Variants in RHOBTB2 observed in about 807,000 individuals in gnomAD.
RHOBTB2 encodes rho-related BTB domain-containing protein 2.
In RHOBTB2, 39 loss-of-function variants were observed where a neutral mutation model predicts 66.5. That is an observed-to-expected ratio of 0.59 (90% CI 0.45 to 0.77). RHOBTB2 has a LOEUF of 0.77. RHOBTB2 is among the 30% of genes least tolerant of loss of function. The pLI is 0.00. For synonymous variants in RHOBTB2, 390 were observed against 395.0 expected (o/e 0.99, Z 0.15); for missense variants, 755 against 999.1 (o/e 0.76, Z 3.29).
rs2241260 is a variant in RHOBTB2 at position 23,018,472 on chromosome 8, A to G, written c.*1003A>G. ...GCCTAGCTCACATTTCTATAAACAGAGGCCCCCATGATGAGGAGGTGAAGA... is the reference window on the plus strand; with the variant it reads ...GCCTAGCTCACATTTCTATAAACAGGGGCCCCCATGATGAGGAGGTGAAGA... On this transcript the variant is annotated 3_prime_UTR_variant, in exon 10 of 10. Transcript: ENST00000251822. The G allele has an allele frequency of 0.29, 43,578 of 152,432 alleles. 6,772 individuals carry two copies. The highest frequency in any genetic ancestry group is 0.42 in the East Asian group (2,186 of 5,164). The allele number at this position is 152,432 out of a possible 1,614,324, so 9.4% of individuals were successfully genotyped here.
upstream of RHOBTB2, among the ~76,000 whole-genome samples, chr8:22,996,085 T>TC: frequency 6.6e-6 from 1 of 152,278 alleles, no homozygotes; most frequent in East Asian, 1.9e-4. Context: ...GGTTTCTCTT[T>TC]CCCCAGAAAA....
At chr8:22,981,904 T>G in the RHOBTB2 span, among the ~76,000 whole-genome samples, 1 of 69,694 alleles carries the variant, frequency 1.4e-5, no homozygotes, top group Admixed American at 1.0e-4. Flanking sequence ...GGCGGTTCCA[T>G]ATCCGCCACT....
Position 23,004,882 on chromosome 8 carries a change from G to T in RHOBTB2, c.192+256G>T, listed in dbSNP as rs117047322. ...GGACTCCATCTTTGTCTGGGGTACC[G>T]CATTGTATGTAGTCACAGCCTTAAG... On this transcript the variant is annotated intron_variant, in intron 2 of 9. Coordinates refer to ENST00000251822, the MANE Select transcript of RHOBTB2 (RefSeq NM_015178.3). The surrounding 1 kb of genome is among the most constrained non-coding windows in gnomAD (Gnocchi z 6.4). The T allele has an allele frequency of 3.6e-6, 2 of 553,884 alleles. No individual in the cohort carries two copies. The highest frequency in any genetic ancestry group is 6.3e-5 in the East Asian group (2 of 31,960). 34.3% of individuals were successfully genotyped at this position (553,884 alleles called of 1,614,324 possible).
chr8:22,957,985 T>G, the RHOBTB2 span, among the ~76,000 whole-genome samples: 1 of 152,232 alleles, frequency 6.6e-6, no homozygotes, highest in South Asian at 2.1e-4. Flanking sequence ...GTGAAGTATT[T>G]CTTCATTATC....
At chr8:22,996,565 GTGTCTGTGTGTC>G (rs1810572996), upstream of RHOBTB2, among the ~76,000 whole-genome samples, 2 of 109,532 alleles carry the variant, frequency 1.8e-5, no homozygotes, top group African/African-American at 4.0e-5. Context: ...GTGTGTGTGT[GTGTCTGTGTGTC>G]TGTGTATGTA....
the RHOBTB2 span, among the ~76,000 whole-genome samples, chr8:22,954,210 G>A: frequency 4.6e-5 from 7 of 152,202 alleles, no homozygotes; most frequent in Non-Finnish European, 1.0e-4. Context: ...CACATTGATA[G>A]ATCAGAGATA....
At chr8:22,952,850 A>G in the RHOBTB2 span, among the ~76,000 whole-genome samples, 1 of 152,134 alleles carries the variant, frequency 6.6e-6, no homozygotes, top group Non-Finnish European at 1.5e-5. Context: ...GATTGCAGTG[A>G]GCCGAGATTG....
intron 9 of RHOBTB2, among the ~76,000 whole-genome samples, chr8:23,016,770 C>T (rs1811302569): frequency 6.6e-6 from 1 of 152,114 alleles, no homozygotes; most frequent in Non-Finnish European, 1.5e-5. Flanking sequence ...CCAGACCTTC[C>T]ACTGAAACAG....
Position 23,007,420 on chromosome 8 carries a change from C to G in RHOBTB2, c.1175C>G (p.Ala392Gly). 1.2e-6 allele frequency: 2 copies of G among 1,614,128 alleles called. No homozygotes were observed. Among genetic ancestry groups the G allele is most frequent in the South Asian group, 1.1e-5 (1 of 91,082 alleles). ...CGTGTGCTGTCTTCCTGGAGCCGAGCTTTTGTGAGCATCCAGGAAGAGATG... is the reference window on the plus strand; with the variant it reads ...CGTGTGCTGTCTTCCTGGAGCCGAGGTTTTGTGAGCATCCAGGAAGAGATG... ...RGRVLSSWSR[A>G]FVSIQEEMAE... Residue 392 changes from alanine to glycine, a missense_variant, in exon 5 of 10, where the codon GCT (alanine) becomes GGT (glycine). Transcript: ENST00000251822.
intron 1 of RHOBTB2, among the ~76,000 whole-genome samples, chr8:22,988,487 C>G (rs562889425): frequency 6.6e-6 from 1 of 152,102 alleles, no homozygotes; most frequent in Admixed American, 6.5e-5. Flanking sequence ...TTACTACTCA[C>G]TCCCACGTCC....
At chr8:22,969,329 C>G in the RHOBTB2 span, among the ~76,000 whole-genome samples, 11 of 152,034 alleles carry the variant, frequency 7.2e-5, no homozygotes, top group Admixed American at 5.9e-4. Flanking sequence ...AGCTATAATT[C>G]AAGATGAGAT....
the RHOBTB2 span, among the ~76,000 whole-genome samples, chr8:22,977,469 G>A: frequency 1.3e-5 from 2 of 152,092 alleles, no homozygotes; most frequent in East Asian, 3.9e-4. Flanking sequence ...CTACTCAGGA[G>A]GCTGAGATGG....
chr8:23,009,919 C>T (rs987677477), intron 6 of RHOBTB2, among the ~76,000 whole-genome samples: 7 of 152,214 alleles, frequency 4.6e-5, no homozygotes, highest in Non-Finnish European at 8.8e-5. Context: ...GATGAGAAGG[C>T]AGTTTGTGTT....
At chr8:22,985,416 C>T (rs1810270121), upstream of RHOBTB2, among the ~76,000 whole-genome samples, 1 of 152,164 alleles carries the variant, frequency 6.6e-6, no homozygotes. Flanking sequence ...TGGGAGTGTG[C>T]TTAACTAGGA....
At chr8:22,954,176 T>C in the RHOBTB2 span, among the ~76,000 whole-genome samples, 1 of 152,214 alleles carries the variant, frequency 6.6e-6, no homozygotes, top group Admixed American at 6.5e-5. Flanking sequence ...GGTAAGATCT[T>C]ACAAGGGCAA....
chr8:22,994,498 C>T (rs1810495639), intron 2 of RHOBTB2: 5 of 980,030 alleles, frequency 5.1e-6, no homozygotes, highest in African/African-American at 1.6e-5. Flanking sequence ...GCGGTGTGCT[C>T]ATTCCCTTTC....
At chr8:23,005,069 T>A (rs1222327394) in intron 2 of RHOBTB2, among the ~76,000 whole-genome samples, 1 of 152,222 alleles carries the variant, frequency 6.6e-6, no homozygotes, top group African/African-American at 2.4e-5. Context: ...TCCACACCCA[T>A]AGCAGTCCCT....
chr8:23,017,272 A>G lies in RHOBTB2; in HGVS notation c.1987A>G (p.Lys663Glu), dbSNP rs1290205489. 2 of 1,614,116 alleles carry G rather than the reference A, an allele frequency of 1.2e-6. No homozygotes were observed. The highest frequency in any genetic ancestry group is 3.3e-5 in the Admixed American group (2 of 60,024). Residue 663 changes from lysine to glutamate, a missense_variant, in exon 10 of 10, where the codon AAG (lysine) becomes GAG (glutamate). Lys to Glu is a moderately conservative substitution (Grantham distance 56, BLOSUM62 1). Transcript: ENST00000251822. This position sits in a 1 kb window ranked among gnomAD's most constrained non-coding sequence, Gnocchi z 5.3. ...TCCAGAAAACCAGGAGTATTTCGAG[A>G]AGCATCGGTGGCCACCTGTGTGGTA... ...MSPENQEYFE[K>E]HRWPPVWYLK...
chr8:22,959,708 G>A, the RHOBTB2 span, among the ~76,000 whole-genome samples: 54 of 152,068 alleles, frequency 3.6e-4, no homozygotes, highest in African/African-American at 1.2e-3. Context: ...AAAATCTCAT[G>A]GTCCATCCCA....
Sources: gnomAD v4.1 joint callset for allele counts (sites outside exome capture counted in the v4.1 genomes callset) on GRCh38, gnomAD v4.1.1 for gene constraint, Gnocchi (gnomAD v3.1) non-coding constraint, MANE v1.5 for transcripts, NCBI Gene and HGNC (gene_info 2026-07-23, HGNC 2026-07-21) for gene names.